HUS1: variants seen among roughly 807,000 people sequenced by gnomAD.
The protein encoded by HUS1 is checkpoint protein HUS1.
HUS1 carries 31 observed loss-of-function variants against 32.6 expected under a neutral mutation model. The ratio of observed to expected loss-of-function variants is 0.95; its 90% CI spans 0.72 to 1.28. HUS1 has a LOEUF of 1.28. Among genes scored for constraint, HUS1 ranks in the 50% most tolerant of loss-of-function variants. The pLI is 0.00. For synonymous variants in HUS1, 123 were observed against 116.6 expected, an observed-to-expected ratio of 1.06 and a Z score of -0.36; for missense variants, 340 against 337.7, an observed-to-expected ratio of 1.01 and a Z score of -0.05.
rs3176616 is a variant in HUS1 at position 47,963,763 on chromosome 7, G to A, written c.*1593C>T. 0.026 allele frequency: 3,903 copies of A among 152,002 alleles called. 70 individuals are homozygous for A. The highest frequency in any genetic ancestry group is 0.061 in the South Asian group (292 of 4,806). 9.4% of individuals were successfully genotyped at this position (152,002 alleles called of 1,614,324 possible). ...TCTACTAAAAATACAAAAATTAGCCGGGCGTGGTGGCATGCGCCTGTAGTC... is the reference window on the plus strand; with the variant it reads ...TCTACTAAAAATACAAAAATTAGCCAGGCGTGGTGGCATGCGCCTGTAGTC... On this transcript the variant is annotated 3_prime_UTR_variant, in exon 8 of 8. Transcript: ENST00000258774.
In HUS1 at chr7:47,979,579, G is replaced by C. The variant is rs369547522; in HGVS notation, c.-60C>G. 2 of 1,327,930 alleles carry C rather than the reference G, an allele frequency of 1.5e-6. No individual in the cohort carries two copies. The highest frequency in any genetic ancestry group is 4.6e-5 in the East Asian group (2 of 43,582). The allele number at this position is 1,327,930 out of a possible 1,614,324, so 82.3% of individuals were successfully genotyped here. On this transcript the variant is annotated 5_prime_UTR_variant, in exon 1 of 8. Transcript: ENST00000258774. The stretch of plus-strand genomic sequence containing the variant: ...GGGTAACAGAAAAGCGTCGCGCCCT[G>C]AGTGTCCCCGCCCGGAAACACGGCA...
Position 47,963,342 on chromosome 7 carries a change from AGCC to A in HUS1, c.*2011_*2013del. ...CATTCTACACAAAGATAAAATCTTA[AGCC>A]ATTCATTAAAATCTTCAAAATTATA... On this transcript the variant is annotated 3_prime_UTR_variant, in exon 8 of 8. Coordinates refer to ENST00000258774, the MANE Select transcript of HUS1 (RefSeq NM_004507.4). 6.6e-6 allele frequency: 1 copy of A among 152,396 alleles called. No individual in the cohort carries two copies. The highest frequency in any genetic ancestry group is 2.4e-5 in the African/African-American group (1 of 41,602). The allele number at this position is 152,396 out of a possible 1,614,324, so 9.4% of individuals were successfully genotyped here.
At chr7:47,966,360 T>C (rs115837771) in intron 7 of HUS1, among the ~76,000 whole-genome samples, 270 of 152,336 alleles carry the variant, frequency 1.8e-3, no homozygotes, top group African/African-American at 6.3e-3. Flanking sequence ...CTTTCTCTGC[T>C]ACACGTGGAG....
intron 7 of HUS1, among the ~76,000 whole-genome samples, chr7:47,967,502 G>A (rs760202024): frequency 1.3e-5 from 2 of 152,152 alleles, no homozygotes; most frequent in Non-Finnish European, 1.5e-5. Context: ...CCATTCTCCC[G>A]ATGGCATCTC....
At chr7:47,977,414 T>C (rs1241756947) in intron 3 of HUS1, among the ~76,000 whole-genome samples, 2 of 152,202 alleles carry the variant, frequency 1.3e-5, no homozygotes, top group Non-Finnish European at 2.9e-5. Flanking sequence ...CAAACTATAT[T>C]TATTTCTAGG....
rs542679617 is a variant in HUS1 at position 47,970,998 on chromosome 7, T to C, written c.541-1680A>G. 1.4e-4 allele frequency among the ~76,000 whole-genome samples: 21 copies of C among 152,314 alleles called. No individual in the cohort carries two copies. The South Asian group carries it at 3.7e-3, about 27-fold the overall frequency. ...TACAGCATAAACAGTGTGAGCCTTA[T>C]TTTGACCTTTAGAACCAAAACTAAA... On this transcript the variant is annotated intron_variant, in intron 5 of 7. Coordinates refer to ENST00000258774, the MANE Select transcript of HUS1 (RefSeq NM_004507.4).
chr7:47,969,981 C>G (rs1040580806), intron 5 of HUS1, among the ~76,000 whole-genome samples: 31 of 152,052 alleles, frequency 2.0e-4, no homozygotes, highest in African/African-American at 6.5e-4. Flanking sequence ...CGCTTGTAAT[C>G]CCAGCACTTT....
At chr7:47,968,592 T>A (rs11486876) in intron 6 of HUS1, among the ~76,000 whole-genome samples, 1,833 of 152,328 alleles carry the variant, frequency 0.012, 43 homozygotes, top group African/African-American at 0.042. Context: ...TCCCCAGGTG[T>A]TTCTCCCCTG....
At chr7:47,968,188 T>G (rs1879835) in intron 6 of HUS1, among the ~76,000 whole-genome samples, 121,002 of 151,882 alleles carry the variant, frequency 0.8, 48,740 homozygotes, top group East Asian at 0.98. Context: ...AAAGAAAATT[T>G]TATTTATTTG....
At chr7:47,973,899 C>G (rs941426484) in intron 5 of HUS1, among the ~76,000 whole-genome samples, 1 of 152,226 alleles carries the variant, frequency 6.6e-6, no homozygotes, top group African/African-American at 2.4e-5. Flanking sequence ...TCCTGGGCCT[C>G]TCTGAATTTC....
At position 47,969,253 on chromosome 7, in the gene HUS1, T is replaced by G; in HGVS notation, c.606A>C (p.Thr202=). 5 of 1,588,550 alleles carry G rather than the reference T, an allele frequency of 3.1e-6. No homozygotes were observed. The highest frequency in any genetic ancestry group is 4.3e-6 in the Non-Finnish European group (5 of 1,161,978). ...LKIETELVCV[T]THFKDLGNPP... is the part of the protein sequence containing the mutation. ...GATTTCCAAGATCTTTAAAATGAGT[T>G]GTAACACATACTAATTCAGTTTCTA... Residue 202 remains threonine, a synonymous_variant, in exon 6 of 8, where the codon ACA becomes ACC. Coordinates refer to ENST00000258774, the MANE Select transcript of HUS1 (RefSeq NM_004507.4).
At chr7:47,976,563 C>T (rs1788708408) in intron 4 of HUS1, 167 bp downstream of exon 4, 1 of 635,950 alleles carries the variant, frequency 1.6e-6, no homozygotes, top group Non-Finnish European at 2.9e-6. Context: ...CTATCATATG[C>T]AACATTTTTA....
intron 5 of HUS1, among the ~76,000 whole-genome samples, chr7:47,970,697 G>C (rs1360141035): frequency 6.6e-6 from 1 of 152,154 alleles, no homozygotes; most frequent in Non-Finnish European, 1.5e-5. Flanking sequence ...AACTGACCCC[G>C]GATGGTCAAG....
At position 47,978,481 on chromosome 7, in the gene HUS1, G is replaced by A. The variant is rs1788755046; in HGVS notation, c.293C>T (p.Ala98Val). The change falls in exon 3 of 8, where the codon GCC becomes GTC. Residue 98 changes from alanine to valine, a missense_variant. By Grantham distance (64) the Ala-to-Val change is moderately conservative. Coordinates refer to ENST00000258774, the MANE Select transcript of HUS1 (RefSeq NM_004507.4). ...AGTCAGTTTGATTTTCAAAGCCCTG[G>A]CATTCTGGGCAGTCTTCAAGGCTCG... ...LSRALKTAQN[A>V]RALKIKLTNK... is the part of the protein sequence containing the mutation. 1 of 1,614,188 alleles carries A rather than the reference G, an allele frequency of 6.2e-7. No homozygotes were observed. Among genetic ancestry groups the A allele is most frequent in the Non-Finnish European group, 8.5e-7 (1 of 1,180,000 alleles).
intron 3 of HUS1, chr7:47,978,170 AAC>A (rs1788746662): frequency 2.4e-6 from 1 of 412,978 alleles, no homozygotes; most frequent in African/African-American, 2.0e-5. Flanking sequence ...CACTACAAGA[AAC>A]AGAGAGGCTG....
chr7:47,978,716 T>G lies in HUS1; in HGVS notation c.153A>C (p.Gly51=), dbSNP rs1483974494. The G allele has an allele frequency of 6.2e-7, 1 of 1,614,200 alleles. No individual in the cohort carries two copies. ...FILCDKLANG[G]VSMWCELEQE... ...GTTCCAGCTCACACCACATGCTCAC[T>G]CCTCCATTAGCCAGCTTGTCACAAA... Residue 51 remains glycine (G), a synonymous_variant, in exon 2 of 8, where the codon GGA becomes GGC. Transcript: ENST00000258774.
chr7:47,968,824 A>G (rs1788534808), intron 6 of HUS1: 1 of 167,500 alleles, frequency 6.0e-6, no homozygotes. Flanking sequence ...AATTTCATAC[A>G]TATGGAAGTA....
At chr7:47,975,467 A>G in intron 5 of HUS1, 146 bp downstream of exon 5, 2 of 645,088 alleles carry the variant, frequency 3.1e-6, no homozygotes, top group South Asian at 3.5e-5. Context: ...AGCAATCTGC[A>G]GGTTCTCAGC....
chr7:47,969,401 A>G, intron 5 of HUS1, 83 bp from the exon 6 acceptor site: 1 of 726,852 alleles, frequency 1.4e-6, no homozygotes, highest in Non-Finnish European at 2.4e-6. Context: ...TCACACAACC[A>G]GATGACAAAG....
Sources: gnomAD v4.1 joint callset for allele counts (sites outside exome capture counted in the v4.1 genomes callset) on GRCh38, gnomAD v4.1.1 for gene constraint, MANE v1.5 for transcripts, NCBI Gene and HGNC (gene_info 2026-07-23, HGNC 2026-07-21) for gene names.